Variants in JAG2 observed in about 807,000 individuals in gnomAD.
JAG2 encodes jagged canonical Notch ligand 2.
JAG2 carries 46 observed loss-of-function variants against 141.7 expected under a neutral mutation model. The ratio of observed to expected loss-of-function variants is 0.32; its 90% CI spans 0.26 to 0.42. The LOEUF (loss-of-function observed/expected upper bound fraction) is 0.42, where lower values mean the gene tolerates loss of function less well. Among genes scored for constraint, JAG2 ranks in the 10% least tolerant of loss-of-function variants. JAG2 has a pLI of 1.00. For missense variants in JAG2, 1,500 were observed against 1,817.5 expected, an observed-to-expected ratio of 0.83 and a Z score of 3.18; for synonymous variants, 862 against 763.5, an observed-to-expected ratio of 1.13 and a Z score of -2.13.
At chr14:105,163,931 TC>T (rs1440388084) in intron 2 of JAG2, among the ~76,000 whole-genome samples, 1 of 152,048 alleles carries the variant, frequency 6.6e-6, no homozygotes, top group African/African-American at 2.4e-5. Flanking sequence ...ATCCTTGTCT[TC>T]CTGCCCCCAC....
intron 18 of JAG2, 71 bp from the exon 19 acceptor site, chr14:105,147,598 G>T: frequency 6.6e-7 from 1 of 1,505,566 alleles, no homozygotes; most frequent in Non-Finnish European, 9.2e-7. Flanking sequence ...GTCCAGGCTG[G>T]CTTGGCGTGA....
intron 9 of JAG2, 72 bp from the exon 10 acceptor site, chr14:105,151,176 C>T: frequency 6.6e-7 from 1 of 1,521,230 alleles, no homozygotes; most frequent in African/African-American, 1.4e-5. Flanking sequence ...GCACCTGGCA[C>T]CCGCAGCCCA....
At position 105,149,058 on chromosome 14, in the gene JAG2, A is replaced by T; in HGVS notation, c.1785T>A (p.Pro595=). 1 of 1,609,614 alleles carries T rather than the reference A, an allele frequency of 6.2e-7. No homozygotes were observed. Among genetic ancestry groups the T allele is most frequent in the Non-Finnish European group, 8.5e-7 (1 of 1,178,876 alleles). ...CGGAGGCTGCTGTGCCAGGCATCCC[A>T]GGCCCCGCGTCTGACCCGCAGCCAT... ...VIDGCGSDAG[P]GMPGTAASGV... Residue 595 remains proline, a synonymous_variant, in exon 14 of 26, where the codon CCT becomes CCA. Coordinates refer to ENST00000331782, the MANE Select transcript of JAG2 (RefSeq NM_002226.5).
In JAG2 at chr14:105,150,889, C is replaced by T. The variant is rs1888402334; in HGVS notation, c.1404G>A (p.Gln468=). 6.3e-7 allele frequency: 1 copy of T among 1,590,962 alleles called. No homozygotes were observed. Among genetic ancestry groups the T allele is most frequent in the Non-Finnish European group, 8.6e-7 (1 of 1,169,332 alleles). ...CHINVNDCRG[Q]CQHGGTCKDL... ...CCTTGCAGGTGCCCCCATGCTGACA[C>T]TGCCCGCGACAGTCGTTGACGTCTG... Residue 468 remains glutamine, a synonymous_variant, in exon 11 of 26, where the codon CAG becomes CAA. Transcript: ENST00000331782.
chr14:105,157,724 T>TGTCCCA lies in JAG2; in HGVS notation c.451_456dup (p.Trp151_Asp152dup). 6.4e-7 allele frequency: 1 copy of TGTCCCA among 1,572,500 alleles called. No homozygotes were observed. Among genetic ancestry groups the TGTCCCA allele is most frequent in the East Asian group, 2.4e-5 (1 of 42,222 alleles). On this transcript the variant is annotated inframe_insertion, in exon 3 of 26. Transcript: ENST00000331782. ...CACTCACCATTCGGGGTGGTATCGT[T>TGTCCCA]GTCCCAGTCCCAGGCCTCCACGATG... is the stretch of plus-strand genomic sequence containing the variant.
At position 105,150,453 on chromosome 14, in the gene JAG2, T is replaced by G. The variant is rs1164935810; in HGVS notation, c.1602+151A>C. ...CCTGTGACAGCCCCGCCTGCCCACC[T>G]GGCACCCAGTGGAGAGCTGAGCCTG... On this transcript the variant is annotated intron_variant, in intron 12 of 25. Transcript: ENST00000331782. 5.1e-6 allele frequency: 4 copies of G among 781,064 alleles called. No homozygotes were observed. In the African/African-American group the frequency reaches 7.0e-5, roughly 14 times the overall value. The allele number at this position is 781,064 out of a possible 1,614,324, so 48.4% of individuals were successfully genotyped here. A position where few individuals can be genotyped will look rare whatever the true frequency, so the allele number is the denominator to read the frequency against.
intron 2 of JAG2, among the ~76,000 whole-genome samples, chr14:105,162,358 C>T (rs954188572): frequency 6.6e-6 from 1 of 151,770 alleles, no homozygotes; most frequent in African/African-American, 2.4e-5. Flanking sequence ...CAGCCCGAAC[C>T]CTCAAGGCTA....
Position 105,168,056 on chromosome 14 carries a change from C to G in JAG2, c.118G>C (p.Val40Leu). 1 of 1,590,942 alleles carries G rather than the reference C, an allele frequency of 6.3e-7. No individual in the cohort carries two copies. Among genetic ancestry groups the G allele is most frequent in the Non-Finnish European group, 8.5e-7 (1 of 1,175,672 alleles). Residue 40 changes from valine (V) to leucine (L), a missense_variant, in exon 2 of 26, where the codon GTG becomes CTG. This residue lies in a region of JAG2 where 200 missense variants were observed against 174.3 expected (regional missense o/e 1.15). Coordinates refer to ENST00000331782, the MANE Select transcript of JAG2 (RefSeq NM_002226.5). ...GCGCCGCTCAGCAGCTCCCCGTTCA[C>G]GTTCCGCAGCGCGCTCAGCTGCAGC... Reference protein sequence around the residue: ...FELQLSALRNVNGELLSGACC... With the variant: ...FELQLSALRNLNGELLSGACC...
At chr14:105,165,471 G>A (rs1034055797) in intron 2 of JAG2, among the ~76,000 whole-genome samples, 2 of 152,210 alleles carry the variant, frequency 1.3e-5, no homozygotes, top group African/African-American at 4.8e-5. Flanking sequence ...AGGAGGGGCA[G>A]CCAGGCAGCC....
intron 2 of JAG2, among the ~76,000 whole-genome samples, chr14:105,163,631 G>A (rs1308611502): frequency 1.4e-5 from 2 of 146,394 alleles, no homozygotes; most frequent in Admixed American, 1.3e-4. Context: ...GTGGTCTTGA[G>A]GACAGGGACT....
At chr14:105,164,532 T>C (rs1888853314) in intron 2 of JAG2, among the ~76,000 whole-genome samples, 1 of 152,090 alleles carries the variant, frequency 6.6e-6, no homozygotes, top group African/African-American at 2.4e-5. Flanking sequence ...GGCCCTGTCA[T>C]CCCCAGCCCA....
At chr14:105,157,629 G>T in intron 3 of JAG2, 77 bp downstream of exon 3, 1 of 1,301,426 alleles carries the variant, frequency 7.7e-7, no homozygotes, top group Non-Finnish European at 1.1e-6. Flanking sequence ...TTTGTCCCAA[G>T]CAGACAGAGG....
At chr14:105,162,796 G>A (rs1776151349) in intron 2 of JAG2, among the ~76,000 whole-genome samples, 1 of 123,442 alleles carries the variant, frequency 8.1e-6, no homozygotes, top group Non-Finnish European at 1.6e-5. Context: ...GCACCCCAAA[G>A]CTCAGGGCAC....
chr14:105,148,477 C>T, intron 15 of JAG2, 38 bp from the exon 16 acceptor site: 3 of 1,517,598 alleles, frequency 2.0e-6, no homozygotes, highest in Non-Finnish European at 2.7e-6. Context: ...CGGGGGGTCA[C>T]CGGCGCTCAG....
chr14:105,162,710 C>CCA (rs1888790024), intron 2 of JAG2, among the ~76,000 whole-genome samples: 1 of 142,016 alleles, frequency 7.0e-6, no homozygotes, highest in African/African-American at 2.8e-5. Flanking sequence ...AGAGTACCCT[C>CCA]CTGCCCAGGG....
intron 1 of JAG2, 98 bp downstream of exon 1, chr14:105,168,257 T>C (rs2141000645): frequency 1.4e-6 from 1 of 722,140 alleles, no homozygotes; most frequent in Non-Finnish European, 1.7e-6. Flanking sequence ...CTCGAGGGCT[T>C]CCGAACCACG....
In JAG2 at chr14:105,144,964, G is replaced by A. The variant is rs767092332; in HGVS notation, c.3050C>T (p.Ala1017Val). ...CTCCACAGCACTGGCCCCCGAGGAC[G>A]CCCGGTCGCAAAGCAACACCAGCAG... ...DRLLVLLCDR[A>V]SSGASAVEVA... The change falls in exon 24 of 26, where the codon GCG becomes GTG. Residue 1017 changes from alanine (A) to valine (V), a missense_variant. Ala to Val is a moderately conservative substitution (Grantham distance 64). Coordinates refer to ENST00000331782, the MANE Select transcript of JAG2 (RefSeq NM_002226.5). The A allele has an allele frequency of 1.2e-4, 194 of 1,604,430 alleles. 3 individuals carry two copies. In the South Asian group the frequency reaches 1.3e-3, roughly 11 times the overall value.
At chr14:105,151,148 C>G in intron 9 of JAG2, 44 bp from the exon 10 acceptor site, 1 of 1,559,598 alleles carries the variant, frequency 6.4e-7, no homozygotes, top group Non-Finnish European at 8.7e-7. Context: ...CGGGCCCTGC[C>G]TGCCCCCTGC....
intron 2 of JAG2, among the ~76,000 whole-genome samples, chr14:105,165,489 A>T (rs1220859533): frequency 1.3e-5 from 2 of 152,226 alleles, no homozygotes; most frequent in Non-Finnish European, 1.5e-5. Context: ...GCCTGCTGGC[A>T]TGTGGTCCAC....
Sources: gnomAD v4.1 joint callset for allele counts (sites outside exome capture counted in the v4.1 genomes callset) on GRCh38, gnomAD v4.1.1 for gene constraint, gnomAD v4.1.1 regional missense constraint, MANE v1.5 for transcripts, NCBI Gene and HGNC (gene_info 2026-07-23, HGNC 2026-07-21) for gene names.